Variants in SYNE2 observed in about 807,000 individuals in gnomAD.
SYNE2 encodes nesprin-2.
Under a neutral mutation model 856.3 loss-of-function variants are expected in SYNE2, and 431 were observed. The observed-to-expected ratio is 0.50, with a 90% CI of 0.47 to 0.55. The LOEUF (loss-of-function observed/expected upper bound fraction) is 0.55, where lower values mean the gene tolerates loss of function less well. Ranked by LOEUF, SYNE2 falls within the 20% of genes least tolerant of loss-of-function variation. The pLI is 0.00. For missense variants in SYNE2, 8,129 were observed against 8,023.2 expected, an observed-to-expected ratio of 1.01 and a Z score of -0.50; for synonymous variants, 2,923 against 2,872.3, an observed-to-expected ratio of 1.02 and a Z score of -0.56.
At chr14:64,225,288 C>CCAAT (rs2098714175) in intron 115 of SYNE2, 31 bp from the exon 116 acceptor site, 1 of 1,613,932 alleles carries the variant, frequency 6.2e-7, no homozygotes. Flanking sequence ...GTGGAGCCTC[C>CCAAT]CAATCAGCTC....
intron 96 of SYNE2, among the ~76,000 whole-genome samples, chr14:64,183,508 C>G (rs961337532): frequency 6.6e-6 from 1 of 152,074 alleles, no homozygotes; most frequent in African/African-American, 2.4e-5. Flanking sequence ...ACTTCCCAGA[C>G]AGGGTGGCGG....
chr14:64,070,827 C>T lies in SYNE2; in HGVS notation c.10614C>T (p.Ile3538=), dbSNP rs769284345. 6.2e-7 allele frequency: 1 copy of T among 1,614,140 alleles called. No homozygotes were observed. Among genetic ancestry groups the T allele is most frequent in the Non-Finnish European group, 8.5e-7 (1 of 1,180,020 alleles). The change falls in exon 52 of 116, where the codon ATC becomes ATT. Residue 3538 remains isoleucine, a synonymous_variant. Coordinates refer to ENST00000555002, the MANE Select transcript of SYNE2 (RefSeq NM_182914.3). The part of the protein sequence containing the change: ...LTLLLQRIRS[I]QNVPESSGAV... ...TACTTCTTCAGCGCATCAGAAGTAT[C>T]CAGAATGTTCCTGAAAGCTCAGGGG... is the stretch of plus-strand genomic sequence containing the variant.
chr14:63,949,302 C>T (rs578139184), intron 6 of SYNE2, among the ~76,000 whole-genome samples: 1 of 152,182 alleles, frequency 6.6e-6, no homozygotes, highest in African/African-American at 2.4e-5. Context: ...AAAAGCTATT[C>T]TTTTGCTGTA....
chr14:63,952,784 C>T (rs2096183323), intron 7 of SYNE2, among the ~76,000 whole-genome samples: 1 of 152,070 alleles, frequency 6.6e-6, no homozygotes, highest in Non-Finnish European at 1.5e-5. Context: ...AGCTTTTTTT[C>T]CCGTAAGTAA....
intron 1 of SYNE2, among the ~76,000 whole-genome samples, chr14:63,896,308 C>G (rs1429045900): frequency 6.6e-6 from 1 of 152,170 alleles, no homozygotes; most frequent in African/African-American, 2.4e-5. Flanking sequence ...TTTCTCTTGA[C>G]TTTTTCCTAT....
In SYNE2 at chr14:63,981,107, T is replaced by G. The variant is rs762602864; in HGVS notation, c.1770T>G (p.Thr590=). 1.2e-6 allele frequency: 2 copies of G among 1,613,746 alleles called. No individual in the cohort carries two copies. Among genetic ancestry groups the G allele is most frequent in the African/African-American group, 2.7e-5 (2 of 74,900 alleles). Residue 590 remains threonine, a synonymous_variant, in exon 16 of 116, where the codon ACT becomes ACG. Coordinates refer to ENST00000555002, the MANE Select transcript of SYNE2 (RefSeq NM_182914.3). Reference sequence around the variant, plus strand: ...AAAAAGTGCTGGCATGTTGGGCTACTTATGTGGAAAACCTTCGCTTACTAA... The same window carrying G: ...AAAAAGTGCTGGCATGTTGGGCTACGTATGTGGAAAACCTTCGCTTACTAA... ...TLQKVLACWA[T]YVENLRLLRA...
chr14:63,914,564 T>A (rs954086419), intron 2 of SYNE2, among the ~76,000 whole-genome samples: 1 of 152,136 alleles, frequency 6.6e-6, no homozygotes, highest in Admixed American at 6.5e-5. Flanking sequence ...TTAGCAAATA[T>A]CTGGGTGTTG....
At chr14:63,809,275 T>G (rs1337243735) in intron 1 of SYNE2, among the ~76,000 whole-genome samples, 2 of 152,122 alleles carry the variant, frequency 1.3e-5, no homozygotes, top group African/African-American at 4.8e-5. Context: ...TTTATCAAAA[T>G]AATGCCATGT....
intron 49 of SYNE2, among the ~76,000 whole-genome samples, chr14:64,058,194 C>G (rs1055174152): frequency 5.9e-5 from 9 of 152,174 alleles, no homozygotes; most frequent in African/African-American, 2.2e-4. Flanking sequence ...AAATCTTTGC[C>G]CAGTCTGGTG....
chr14:64,005,150 A>G (rs1003923727), intron 30 of SYNE2, among the ~76,000 whole-genome samples: 3 of 152,206 alleles, frequency 2.0e-5, no homozygotes, highest in African/African-American at 7.2e-5. Flanking sequence ...AGGCTGTTTG[A>G]TGACTTTGGC....
chr14:63,814,777 T>C (rs1290830245), intron 1 of SYNE2, among the ~76,000 whole-genome samples: 2 of 19,956 alleles, frequency 1.0e-4, no homozygotes, highest in Non-Finnish European at 1.4e-4. Context: ...CATATATATA[T>C]CCATATATAT....
chr14:64,176,294 C>T (rs769805344), intron 95 of SYNE2, among the ~76,000 whole-genome samples: 1 of 152,208 alleles, frequency 6.6e-6, no homozygotes, highest in African/African-American at 2.4e-5. Flanking sequence ...CTTGACTTGG[C>T]TTTTAACCCC....
chr14:63,808,344 C>T (rs1888466493), intron 1 of SYNE2, among the ~76,000 whole-genome samples: 1 of 151,956 alleles, frequency 6.6e-6, no homozygotes, highest in African/African-American at 2.4e-5. Flanking sequence ...CAAAAATTTG[C>T]TGGGTGTGTT....
In SYNE2 at chr14:63,980,763, T is replaced by C. The variant is rs745818571; in HGVS notation, c.1648+31T>C. 5.4e-5 allele frequency: 76 copies of C among 1,412,434 alleles called. No homozygotes were observed. The South Asian group carries it at 8.2e-4, about 15-fold the overall frequency. 87.5% of individuals were successfully genotyped at this position (1,412,434 alleles called of 1,614,324 possible). On this transcript the variant is annotated intron_variant, in intron 15 of 115. Coordinates refer to ENST00000555002, the MANE Select transcript of SYNE2 (RefSeq NM_182914.3). ...GTGGTTCAGTTACTTTCTGATGGAA[T>C]GACTGTCACTTAACAGTGATGTTTT...
chr14:63,817,206 T>C (rs1241663734), intron 1 of SYNE2, among the ~76,000 whole-genome samples: 1 of 152,176 alleles, frequency 6.6e-6, no homozygotes, highest in African/African-American at 2.4e-5. Context: ...ATGCTTGTAA[T>C]CCCAGCACTT....
chr14:64,125,341 T>G (rs2097933458), intron 71 of SYNE2, 131 bp downstream of exon 71: 1 of 1,337,826 alleles, frequency 7.5e-7, no homozygotes, highest in Admixed American at 2.0e-5. Flanking sequence ...GTCCTAGGAT[T>G]GCAAATTGAA....
At chr14:64,144,811 T>G (rs1390430363) in intron 83 of SYNE2, among the ~76,000 whole-genome samples, 1 of 152,030 alleles carries the variant, frequency 6.6e-6, no homozygotes, top group Non-Finnish European at 1.5e-5. Context: ...GTGCACAGAG[T>G]GTTCAATTCA....
chr14:64,118,457 G>A (rs565207257), intron 66 of SYNE2, among the ~76,000 whole-genome samples: 69 of 152,304 alleles, frequency 4.5e-4, no homozygotes, highest in African/African-American at 1.6e-3. Flanking sequence ...AGAGTTTGGA[G>A]GCTTATTTGT....
At chr14:64,062,386 T>G (rs916402624) in intron 49 of SYNE2, among the ~76,000 whole-genome samples, 32 of 152,314 alleles carry the variant, frequency 2.1e-4, no homozygotes, top group African/African-American at 7.7e-4. Flanking sequence ...GCTGCATTAA[T>G]GGGTCAAAGA....
Sources: allele counts gnomAD v4.1 joint callset (sites outside exome capture counted in the v4.1 genomes callset), GRCh38; gene constraint gnomAD v4.1.1; transcripts MANE v1.5; gene names NCBI Gene and HGNC (gene_info 2026-07-23, HGNC 2026-07-21).